PCDHGB4: variants seen among roughly 807,000 people sequenced by gnomAD.
The protein encoded by PCDHGB4 is protocadherin gamma subfamily B, 4, also known as protocadherin gamma-B4.
A neutral mutation model predicts 60.5 loss-of-function variants in PCDHGB4; 38 were observed. The ratio of observed to expected loss-of-function variants is 0.63; its 90% CI spans 0.48 to 0.82. PCDHGB4 has a LOEUF of 0.82. PCDHGB4 is among the 40% of genes least tolerant of loss of function. The pLI is 0.00. For missense variants in PCDHGB4, 1,109 were observed against 1,209.6 expected, an observed-to-expected ratio of 0.92 and a Z score of 1.23; for synonymous variants, 456 against 509.7, an observed-to-expected ratio of 0.89 and a Z score of 1.42.
chr5:141,433,389 A>G (rs1157605590), intron 1 of PCDHGB4, among the ~76,000 whole-genome samples: 2 of 151,108 alleles, frequency 1.3e-5, no homozygotes, highest in African/African-American at 2.4e-5. Context: ...CTATCTATCT[A>G]TCTATCTATC....
Position 141,491,623 on chromosome 5 carries a change from G to T in PCDHGB4, c.2398-3184G>T. 1 of 1,613,930 alleles carries T rather than the reference G, an allele frequency of 6.2e-7. No homozygotes were observed. The highest frequency in any genetic ancestry group is 1.1e-5 in the South Asian group (1 of 91,084). On this transcript the variant is annotated intron_variant, in intron 1 of 3. Transcript: ENST00000519479. This position sits in a 1 kb window ranked among gnomAD's most constrained non-coding sequence, Gnocchi z 6.9. ...CTTCACTTTTCTAAGACCCCTCAGC[G>T]TTCAGCAGCCCACAGCTCTGGCGCT...
intron 1 of PCDHGB4, among the ~76,000 whole-genome samples, chr5:141,401,889 T>G (rs1259815955): frequency 3.3e-5 from 5 of 152,232 alleles, no homozygotes; most frequent in Non-Finnish European, 7.3e-5. Context: ...TATTTTGTGT[T>G]CTTTTTCCCA....
intron 1 of PCDHGB4, chr5:141,399,485 A>G (rs760899297): frequency 4.7e-5 from 76 of 1,613,904 alleles, no homozygotes; most frequent in Non-Finnish European, 6.1e-5. Context: ...CAGGCGTCCT[A>G]CTTAGTCAGT....
intron 1 of PCDHGB4, among the ~76,000 whole-genome samples, chr5:141,484,454 G>A (rs932663778): frequency 6.6e-6 from 1 of 152,212 alleles, no homozygotes; most frequent in African/African-American, 2.4e-5. Context: ...AATTGGCTAC[G>A]TTAATGTGTA....
At chr5:141,405,907 T>C (rs1471568204) in intron 1 of PCDHGB4, among the ~76,000 whole-genome samples, 2 of 152,218 alleles carry the variant, frequency 1.3e-5, no homozygotes, top group Non-Finnish European at 2.9e-5. Context: ...AGGAGGCATT[T>C]ATTAGTTATA....
At position 141,477,806 on chromosome 5, in the gene PCDHGB4, G is replaced by GC; in HGVS notation, c.2398-16995dup. Reference sequence around the variant, plus strand: ...ATTTGTCACTGATCGCAATGACAATGCCCCCCAGGTCCTATATCCTCGGCC... The same window carrying GC: ...ATTTGTCACTGATCGCAATGACAATGCCCCCCCAGGTCCTATATCCTCGGCC... On this transcript the variant is annotated intron_variant, in intron 1 of 3. Transcript: ENST00000519479. This position sits in a 1 kb window ranked among gnomAD's most constrained non-coding sequence, Gnocchi z 4.9. 1 of 1,614,114 alleles carries GC rather than the reference G, an allele frequency of 6.2e-7. No homozygotes were observed.
At chr5:141,403,574 C>T (rs1441332710) in intron 1 of PCDHGB4, 1 of 1,613,960 alleles carries the variant, frequency 6.2e-7, no homozygotes, top group Non-Finnish European at 8.5e-7. Context: ...GGCAACTGCC[C>T]ACCACCTGGT....
intron 1 of PCDHGB4, chr5:141,416,686 T>C (rs1341005031): frequency 6.6e-6 from 1 of 152,244 alleles, no homozygotes; most frequent in African/African-American, 2.4e-5. Flanking sequence ...AGGGAAATTA[T>C]ATAAACAAAG....
At chr5:141,399,847 G>T (rs746731144) in intron 1 of PCDHGB4, 19 of 1,612,874 alleles carry the variant, frequency 1.2e-5, no homozygotes, top group Middle Eastern at 1.7e-4. Flanking sequence ...CTTCGATATG[G>T]TGCCGCGCGC....
At chr5:141,413,417 T>C in intron 1 of PCDHGB4, 18 of 1,614,086 alleles carry the variant, frequency 1.1e-5, no homozygotes, top group Non-Finnish European at 1.5e-5. Context: ...CTTTTCTCTC[T>C]GAACCCGCGC....
rs1263728099 is a variant in PCDHGB4, at chr5:141,476,079, G to T, written c.2398-18728G>T. Reference sequence around the variant, plus strand: ...AGTTTCTCAGCGAAATCTCAGGGACGATCTGGACCCCGCTGAGAGGAACTG... The same window carrying T: ...AGTTTCTCAGCGAAATCTCAGGGACTATCTGGACCCCGCTGAGAGGAACTG... On this transcript the variant is annotated intron_variant, in intron 1 of 3. Coordinates refer to ENST00000519479, the MANE Select transcript of PCDHGB4 (RefSeq NM_003736.4). This position sits in a 1 kb window ranked among gnomAD's most constrained non-coding sequence, Gnocchi z 7.6. 3 of 1,537,560 alleles carry T rather than the reference G, an allele frequency of 2.0e-6. No homozygotes were observed. Among genetic ancestry groups the T allele is most frequent in the African/African-American group, 1.4e-5 (1 of 72,808 alleles).
chr5:141,388,908 G>T lies in PCDHGB4; in HGVS notation c.1024G>T (p.Ala342Ser). The change falls in exon 1 of 4, where the codon GCC (alanine) becomes TCC (serine). Residue 342 changes from alanine (A) to serine (S), a missense_variant. Physicochemically the swap from Ala to Ser is moderately conservative, Grantham distance 99. Around this residue, in one of 2 missense-constraint regions of PCDHGB4, gnomAD observed 1,068 missense variants for 1,089.9 expected, o/e 0.98. Coordinates refer to ENST00000519479, the MANE Select transcript of PCDHGB4 (RefSeq NM_003736.4). ...EVEVIDENDN[A>S]PEVIFQSLPN... ...AGAAGTCATAGATGAAAATGACAAC[G>T]CCCCAGAAGTGATATTCCAGTCTCT... 1.2e-6 allele frequency: 2 copies of T among 1,613,892 alleles called. No individual in the cohort carries two copies. Among genetic ancestry groups the T allele is most frequent in the East Asian group, 2.2e-5 (1 of 44,888 alleles).
chr5:141,454,407 T>TTTTA (rs1029547484), intron 1 of PCDHGB4, among the ~76,000 whole-genome samples: 21 of 152,236 alleles, frequency 1.4e-4, no homozygotes, highest in Admixed American at 1.2e-3. Flanking sequence ...GCTTATTCCT[T>TTTTA]TTTATTTATT....
chr5:141,388,676 G>A lies in PCDHGB4; in HGVS notation c.792G>A (p.Val264=). 7 of 1,613,946 alleles carry A rather than the reference G, an allele frequency of 4.3e-6. No individual in the cohort carries two copies. Among genetic ancestry groups the A allele is most frequent in the East Asian group, 2.2e-5 (1 of 44,890 alleles). Residue 264 remains valine, a synonymous_variant, in exon 1 of 4, where the codon GTG becomes GTA. Coordinates refer to ENST00000519479, the MANE Select transcript of PCDHGB4 (RefSeq NM_003736.4). ...ACCCGGGGACCACGGTGCTACAGGT[G>A]ACTGCCACGGACCAGGATGAGGGTG... ...NVYPGTTVLQ[V]TATDQDEGVN... is the part of the protein sequence containing the mutation.
chr5:141,419,872 A>G (rs1354880437), intron 1 of PCDHGB4: 1 of 1,614,094 alleles, frequency 6.2e-7, no homozygotes, highest in Admixed American at 1.7e-5. Flanking sequence ...TGCAAGAGGT[A>G]CTGCCGGATT....
intron 1 of PCDHGB4, chr5:141,394,651 A>G: frequency 6.2e-7 from 1 of 1,611,802 alleles, no homozygotes; most frequent in Admixed American, 1.7e-5. Flanking sequence ...AAGGCCAGCG[A>G]GCCGGGACTC....
chr5:141,473,362 C>A (rs2099320242), intron 1 of PCDHGB4, among the ~76,000 whole-genome samples: 1 of 152,166 alleles, frequency 6.6e-6, no homozygotes, highest in Admixed American at 6.5e-5. Context: ...AAGTGGCCAC[C>A]AAAATAGCAT....
intron 1 of PCDHGB4, chr5:141,398,831 C>T: frequency 6.2e-7 from 1 of 1,614,014 alleles, no homozygotes; most frequent in South Asian, 1.1e-5. Context: ...GTAACCGACG[C>T]CAATGATAAT....
intron 1 of PCDHGB4, among the ~76,000 whole-genome samples, chr5:141,451,717 A>G (rs2098722445): frequency 6.6e-6 from 1 of 152,166 alleles, no homozygotes; most frequent in Non-Finnish European, 1.5e-5. Context: ...CCCTGCCTCT[A>G]CTAAAAATAC....
Sources: gnomAD v4.1 joint callset for allele counts (sites outside exome capture counted in the v4.1 genomes callset) on GRCh38, gnomAD v4.1.1 for gene constraint, gnomAD v4.1.1 regional missense constraint, Gnocchi (gnomAD v3.1) non-coding constraint, MANE v1.5 for transcripts, NCBI Gene and HGNC (gene_info 2026-07-23, HGNC 2026-07-21) for gene names.